Variants in CCDC102B observed in about 807,000 individuals in gnomAD.
CCDC102B encodes coiled-coil domain-containing protein 102B.
A neutral mutation model predicts 57.4 loss-of-function variants in CCDC102B; 75 were observed. That is an observed-to-expected ratio of 1.31 (90% CI 1.08 to 1.58). The LOEUF is 1.58. Among genes scored for constraint, CCDC102B ranks in the 40% most tolerant of loss-of-function variants. CCDC102B has a pLI of 0.00. For missense variants in CCDC102B, 636 were observed against 582.6 expected (o/e 1.09, Z -0.94); for synonymous variants, 206 against 201.9 (o/e 1.02, Z -0.17).
At chr18:68,811,164 T>C (rs1452863145) in intron 1 of CCDC102B, among the ~76,000 whole-genome samples, 1 of 152,236 alleles carries the variant, frequency 6.6e-6, no homozygotes, top group African/African-American at 2.4e-5. Context: ...AACATACGTG[T>C]GCATGTGTCT....
chr18:68,788,575 A>G (rs1464267789), intron 2 of CCDC102B, among the ~76,000 whole-genome samples: 1 of 150,228 alleles, frequency 6.7e-6, no homozygotes, highest in African/African-American at 2.5e-5. Flanking sequence ...TCCCTTTACC[A>G]TTATGTAATG....
intron 6 of CCDC102B, among the ~76,000 whole-genome samples, chr18:68,923,882 G>A (rs1302307599): frequency 1.3e-5 from 2 of 152,022 alleles, no homozygotes; most frequent in African/African-American, 4.8e-5. Flanking sequence ...ATGGGAAATG[G>A]TTTTAAATTA....
At chr18:68,896,527 A>G (rs986847663) in intron 5 of CCDC102B, among the ~76,000 whole-genome samples, 1 of 151,986 alleles carries the variant, frequency 6.6e-6, no homozygotes, top group South Asian at 2.1e-4. Context: ...CTCTCTCAAC[A>G]GCTTAACTTA....
intron 1 of CCDC102B, among the ~76,000 whole-genome samples, chr18:68,800,143 AC>A (rs2035794425): frequency 6.6e-6 from 1 of 152,154 alleles, no homozygotes; most frequent in Non-Finnish European, 1.5e-5. Context: ...ACTTGAAGGA[AC>A]CTGCTGTTCA....
intron 7 of CCDC102B, among the ~76,000 whole-genome samples, chr18:69,025,703 C>T (rs2051969498): frequency 6.6e-6 from 1 of 152,142 alleles, no homozygotes; most frequent in South Asian, 2.1e-4. Flanking sequence ...TCTGTCATTA[C>T]TTGGTAACAG....
intron 1 of CCDC102B, among the ~76,000 whole-genome samples, chr18:68,801,800 G>C (rs1488208823): frequency 1.3e-5 from 2 of 152,140 alleles, no homozygotes; most frequent in African/African-American, 4.8e-5. Flanking sequence ...TTTGGAAATA[G>C]TTTTGAGAGT....
intron 2 of CCDC102B, among the ~76,000 whole-genome samples, chr18:68,726,312 CA>C (rs35752182): frequency 0.05 from 7,598 of 152,162 alleles, 586 homozygotes; most frequent in African/African-American, 0.17. Flanking sequence ...TAAGCCTATT[CA>C]AATAATAAAT....
rs79680369 is a variant in CCDC102B, at chr18:68,736,645, C to A, written c.-67+20051C>A. Among the ~76,000 whole-genome samples, 137 of 152,120 alleles carry A rather than the reference C, an allele frequency of 9.0e-4. 1 individual carries two copies. Among genetic ancestry groups the A allele is most frequent in the African/African-American group, 3.0e-3 (125 of 41,480 alleles). The stretch of plus-strand genomic sequence containing the variant: ...TACATCAGATCCAGTTATTTATAGG[C>A]CCTTTTACATGGAGGCAGCAAGAGG... On this transcript the variant is annotated intron_variant, in intron 2 of 3. Transcript: ENST00000578970.
chr18:68,871,425 T>G (rs1316024632), intron 4 of CCDC102B, among the ~76,000 whole-genome samples: 1 of 152,156 alleles, frequency 6.6e-6, no homozygotes, highest in Non-Finnish European at 1.5e-5. Flanking sequence ...ATAGATTTTC[T>G]TTACAAATCC....
intron 2 of CCDC102B, among the ~76,000 whole-genome samples, chr18:68,765,621 A>C (rs1278615258): frequency 1.3e-5 from 2 of 152,290 alleles, no homozygotes; most frequent in African/African-American, 4.8e-5. Flanking sequence ...CATTCTGTAG[A>C]TTTGCTTATA....
At chr18:68,926,564 A>G (rs2041482580) in intron 6 of CCDC102B, among the ~76,000 whole-genome samples, 1 of 151,910 alleles carries the variant, frequency 6.6e-6, no homozygotes, top group African/African-American at 2.4e-5. Flanking sequence ...TAATTGTTCA[A>G]TTGACTTGAA....
chr18:68,998,410 A>G (rs1279016247), intron 6 of CCDC102B, among the ~76,000 whole-genome samples: 1 of 97,806 alleles, frequency 1.0e-5, no homozygotes, highest in Non-Finnish European at 2.2e-5. Flanking sequence ...TCTACTACAT[A>G]TATATAGTAT....
intron 6 of CCDC102B, among the ~76,000 whole-genome samples, chr18:69,005,187 A>G (rs2051308999): frequency 6.6e-6 from 1 of 152,182 alleles, no homozygotes. Context: ...AATCCAATGT[A>G]TCTGAGTCAA....
In CCDC102B at chr18:68,874,694, A is replaced by G. The variant is rs765877147; in HGVS notation, c.962A>G (p.Asn321Ser). 1 of 1,610,562 alleles carries G rather than the reference A, an allele frequency of 6.2e-7. No homozygotes were observed. The highest frequency in any genetic ancestry group is 1.1e-5 in the South Asian group (1 of 90,960). The change falls in exon 5 of 8, where the codon AAT becomes AGT. Residue 321 changes from asparagine to serine, a missense_variant. Physicochemically the swap from Asn to Ser is conservative, Grantham distance 46. Coordinates refer to ENST00000360242, the MANE Select transcript of CCDC102B (RefSeq NM_024781.3). ...KEFDILLGQHNDEMQELSGNI... is the reference protein window; with the variant it reads ...KEFDILLGQHSDEMQELSGNI... The stretch of plus-strand genomic sequence containing the variant: ...TTTGACATTCTTCTTGGTCAACATA[A>G]TGATGAAATGCAAGAACTGTCAGGC...
At chr18:68,862,576 A>G (rs1452129469) in intron 4 of CCDC102B, among the ~76,000 whole-genome samples, 5 of 152,082 alleles carry the variant, frequency 3.3e-5, no homozygotes, top group Non-Finnish European at 7.4e-5. Context: ...TAGAAGCAAA[A>G]AGTTAGCCTC....
rs574487300 is a variant in CCDC102B at position 68,759,267 on chromosome 18, G to T, written c.-67+42673G>T. On this transcript the variant is annotated intron_variant, in intron 2 of 3. Coordinates refer to the CCDC102B transcript ENST00000578970. ...ATAAGACTTGTGGAGCCAGCTAATT[G>T]AGATAAGATAAAGAAGAAAATGTTT... Among the ~76,000 whole-genome samples the T allele has an allele frequency of 7.9e-5, 12 of 152,182 alleles. No individual in the cohort carries two copies. The East Asian group carries it at 2.1e-3, about 27-fold the overall frequency.
At chr18:69,017,300 T>G (rs905901714) in intron 7 of CCDC102B, among the ~76,000 whole-genome samples, 6 of 151,782 alleles carry the variant, frequency 4.0e-5, no homozygotes, top group South Asian at 2.1e-4. Flanking sequence ...GTGTGTGTGT[T>G]TTTCTGCAGA....
intron 6 of CCDC102B, among the ~76,000 whole-genome samples, chr18:68,917,684 CCA>C (rs1462529498): frequency 2.0e-5 from 3 of 152,072 alleles, no homozygotes; most frequent in Non-Finnish European, 4.4e-5. Flanking sequence ...ATATCAATCC[CCA>C]GTTATCAATC....
intron 4 of CCDC102B, among the ~76,000 whole-genome samples, chr18:68,863,918 A>G (rs1378370849): frequency 6.6e-6 from 1 of 151,952 alleles, no homozygotes; most frequent in African/African-American, 2.4e-5. Flanking sequence ...ACTTCATAGA[A>G]TGACAAGATA....
Sources: gnomAD v4.1 joint callset for allele counts (sites outside exome capture counted in the v4.1 genomes callset) on GRCh38, gnomAD v4.1.1 for gene constraint, MANE v1.5 for transcripts, NCBI Gene and HGNC (gene_info 2026-07-23, HGNC 2026-07-21) for gene names.